The following EIF4ENIF1 variants were observed in gnomAD, a reference collection of about 807,000 sequenced individuals.
The protein encoded by EIF4ENIF1 is eukaryotic translation initiation factor 4E nuclear import factor 1.
Under a neutral mutation model 110.5 loss-of-function variants are expected in EIF4ENIF1, and 23 were observed. The observed-to-expected ratio is 0.21, with a 90% CI of 0.15 to 0.29. EIF4ENIF1 has a LOEUF of 0.29. EIF4ENIF1 is among the 10% of genes least tolerant of loss of function. The pLI, the probability that EIF4ENIF1 is intolerant of heterozygous loss-of-function variation, is 1.00. For missense variants in EIF4ENIF1, 1,031 were observed against 1,221.1 expected (o/e 0.84, Z 2.32); for synonymous variants, 440 against 437.0 (o/e 1.01, Z -0.09).
At chr22:31,443,179 A>T in intron 15 of EIF4ENIF1, 85 bp from the exon 16 acceptor site, 1 of 1,543,170 alleles carries the variant, frequency 6.5e-7, no homozygotes. Context: ...CAAGATACTC[A>T]ACAAAGAGTC....
intron 2 of EIF4ENIF1, 108 bp downstream of exon 2, chr22:31,488,515 G>C (rs2052129695): frequency 6.8e-7 from 1 of 1,471,166 alleles, no homozygotes; most frequent in Middle Eastern, 1.8e-4. Flanking sequence ...TTTAGTCCAT[G>C]TAGTGAGTCA....
intron 2 of EIF4ENIF1, among the ~76,000 whole-genome samples, chr22:31,485,219 A>C (rs879513617): frequency 5.3e-5 from 8 of 152,202 alleles, no homozygotes; most frequent in Non-Finnish European, 8.8e-5. Context: ...AAAAGACTTA[A>C]ATCTAAGCTC....
chr22:31,458,535 G>A lies in EIF4ENIF1; in HGVS notation c.903C>T (p.Ser301=). 1.9e-6 allele frequency: 3 copies of A among 1,613,280 alleles called. No individual in the cohort carries two copies. The highest frequency in any genetic ancestry group is 1.7e-6 in the Non-Finnish European group (2 of 1,179,408). ...VPRDAVLPEQ[S]PGDFDFNEFF... is the part of the protein sequence containing the mutation. ...ACTCATTAAAGTCAAAGTCTCCTGG[G>A]GACTGCTCAGGCAAGACAGCATCCC... The change falls in exon 7 of 19, where the codon TCC becomes TCT. Residue 301 remains serine, a synonymous_variant. Transcript: ENST00000330125.
At chr22:31,477,670 A>C (rs2051641052) in intron 2 of EIF4ENIF1, among the ~76,000 whole-genome samples, 1 of 152,200 alleles carries the variant, frequency 6.6e-6, no homozygotes, top group Non-Finnish European at 1.5e-5. Context: ...ACTGACATTA[A>C]CCACACCAGC....
At chr22:31,454,881 C>T (rs2050769145) in intron 9 of EIF4ENIF1, among the ~76,000 whole-genome samples, 2 of 151,126 alleles carry the variant, frequency 1.3e-5, no homozygotes, top group Non-Finnish European at 3.0e-5. Context: ...TTGTTTTCAA[C>T]ATTCACTGGA....
chr22:31,456,456 C>A (rs1270125571), intron 7 of EIF4ENIF1, among the ~76,000 whole-genome samples: 1 of 151,996 alleles, frequency 6.6e-6, no homozygotes, highest in Non-Finnish European at 1.5e-5. Flanking sequence ...ATCTCCTGAC[C>A]TTGTGATCCG....
chr22:31,461,534 G>A (rs2050993676), intron 6 of EIF4ENIF1: 1 of 152,178 alleles, frequency 6.6e-6, no homozygotes. Flanking sequence ...CTGGATTCAA[G>A]CAATTCTCCT....
chr22:31,445,961 C>CG (rs1002578674), intron 14 of EIF4ENIF1, among the ~76,000 whole-genome samples: 1 of 148,248 alleles, frequency 6.7e-6, no homozygotes, highest in Non-Finnish European at 1.5e-5. Context: ...CCGCCCCCCC[C>CG]CCCCATCTAC....
chr22:31,462,749 A>G (rs1421996645), intron 6 of EIF4ENIF1, among the ~76,000 whole-genome samples, 183 bp downstream of exon 6: 5 of 151,892 alleles, frequency 3.3e-5, no homozygotes, highest in Admixed American at 2.0e-4. Flanking sequence ...ACACCCCACT[A>G]ATTTTTGAAT....
intron 14 of EIF4ENIF1, among the ~76,000 whole-genome samples, chr22:31,446,702 T>C (rs2050491422): frequency 6.6e-6 from 1 of 152,224 alleles, no homozygotes. Flanking sequence ...GGGGTATTAC[T>C]GGCACAGGGC....
At chr22:31,487,793 CAAAAA>C (rs35367724) in intron 2 of EIF4ENIF1, among the ~76,000 whole-genome samples, 6 of 69,004 alleles carry the variant, frequency 8.7e-5, no homozygotes, top group Non-Finnish European at 9.0e-5. Context: ...CTGTCGGGTG[CAAAAA>C]AAAAAAAAAA....
At chr22:31,456,934 A>C (rs1335366504) in intron 7 of EIF4ENIF1, among the ~76,000 whole-genome samples, 3 of 152,254 alleles carry the variant, frequency 2.0e-5, no homozygotes, top group African/African-American at 7.2e-5. Context: ...TCAATGCCAC[A>C]GCATTCCACT....
chr22:31,439,172 T>C (rs1424408744), downstream of EIF4ENIF1, among the ~76,000 whole-genome samples: 1 of 152,178 alleles, frequency 6.6e-6, no homozygotes, highest in Non-Finnish European at 1.5e-5. Flanking sequence ...AGAAAAAAGT[T>C]AGTGGCATGT....
At chr22:31,455,095 A>T (rs1330556918) in intron 9 of EIF4ENIF1, 41 bp downstream of exon 9, 1 of 1,536,034 alleles carries the variant, frequency 6.5e-7, no homozygotes, top group African/African-American at 1.4e-5. Context: ...GAACATCTAG[A>T]CCTTTTCAGA....
chr22:31,441,806 T>C lies in EIF4ENIF1; in HGVS notation c.2519A>G (p.His840Arg), dbSNP rs898556813. 3 of 1,613,458 alleles carry C rather than the reference T, an allele frequency of 1.9e-6. No individual in the cohort carries two copies. In the African/African-American group the frequency reaches 4.0e-5, roughly 22 times the overall value. ...GAGCAAACTTGGAAGATGCTGTGGATGTACTCCCTGGGCCAGCATCCTCTG... is the reference window on the plus strand; with the variant it reads ...GAGCAAACTTGGAAGATGCTGTGGACGTACTCCCTGGGCCAGCATCCTCTG... ...LVQRMLAQGV[H>R]PQHLPSLLQT... The change falls in exon 17 of 19, where the codon CAT becomes CGT. Residue 840 changes from histidine (H) to arginine (R), a missense_variant. Physicochemically the swap from His to Arg is conservative, Grantham distance 29. Coordinates refer to ENST00000330125, the MANE Select transcript of EIF4ENIF1 (RefSeq NM_019843.4).
intron 3 of EIF4ENIF1, among the ~76,000 whole-genome samples, chr22:31,470,195 A>T (rs1326881386): frequency 9.6e-3 from 1 of 104 alleles, no homozygotes; most frequent in Non-Finnish European, 0.014. Flanking sequence ...GAAAAATCCT[A>T]ACTAATTGGC....
chr22:31,443,293 C>G (rs2145899059), intron 15 of EIF4ENIF1, 199 bp from the exon 16 acceptor site: 4 of 662,868 alleles, frequency 6.0e-6, no homozygotes, highest in Middle Eastern at 4.3e-4. Context: ...TTATCCCTTG[C>G]TTACAACTGT....
chr22:31,487,530 C>T (rs1423658952), intron 2 of EIF4ENIF1, among the ~76,000 whole-genome samples: 1 of 152,180 alleles, frequency 6.6e-6, no homozygotes. Context: ...GGCACAGTGG[C>T]TCACCCCTGT....
intron 2 of EIF4ENIF1, among the ~76,000 whole-genome samples, chr22:31,474,829 A>G (rs1447479994): frequency 6.6e-6 from 1 of 152,190 alleles, no homozygotes; most frequent in African/African-American, 2.4e-5. Context: ...TTTCAGCACC[A>G]GTAAAATGCT....
Sources: gnomAD v4.1 joint callset for allele counts (sites outside exome capture counted in the v4.1 genomes callset) on GRCh38, gnomAD v4.1.1 for gene constraint, MANE v1.5 for transcripts, NCBI Gene and HGNC (gene_info 2026-07-23, HGNC 2026-07-21) for gene names.